Variants in CDH13 observed in about 807,000 individuals in gnomAD.
CDH13 encodes cadherin 13, also known as cadherin-13.
In CDH13, 24 loss-of-function variants were observed where a neutral mutation model predicts 63.8. The ratio of observed to expected loss-of-function variants is 0.38; its 90% CI spans 0.27 to 0.53. CDH13 has a LOEUF of 0.53. Among genes scored for constraint, CDH13 ranks in the 20% least tolerant of loss-of-function variants. The pLI is 0.85. For missense variants in CDH13, 1,049 were observed against 903.1 expected (o/e 1.16, Z -2.07); for synonymous variants, 503 against 355.3 (o/e 1.42, Z -4.67).
chr16:83,500,762 T>G lies in CDH13; in HGVS notation c.960+14107T>G, dbSNP rs569497415. 4.5e-3 allele frequency among the ~76,000 whole-genome samples: 681 copies of G among 150,784 alleles called. 6 individuals carry two copies. The highest frequency in any genetic ancestry group is 0.016 in the African/African-American group (668 of 40,946). On this transcript the variant is annotated intron_variant, in intron 7 of 13. Coordinates refer to ENST00000567109, the MANE Select transcript of CDH13 (RefSeq NM_001257.5). ...CCGGCTAATTTTTGTTTTATTTTTGTGGAGACGGGGTTTCACCATGTTGGC... is the reference window on the plus strand; with the variant it reads ...CCGGCTAATTTTTGTTTTATTTTTGGGGAGACGGGGTTTCACCATGTTGGC...
chr16:83,389,748 G>C (rs2091748387), intron 6 of CDH13, among the ~76,000 whole-genome samples: 1 of 152,182 alleles, frequency 6.6e-6, no homozygotes, highest in Non-Finnish European at 1.5e-5. Flanking sequence ...AGTTTTCAGA[G>C]TTTGGGGCCT....
At chr16:83,098,499 G>A (rs78297062) in intron 3 of CDH13, among the ~76,000 whole-genome samples, 20,809 of 152,042 alleles carry the variant, frequency 0.14, 1,798 homozygotes, top group Non-Finnish European at 0.19. Context: ...TTTTGGTTTG[G>A]ATGAAGGACT....
intron 4 of CDH13, among the ~76,000 whole-genome samples, chr16:83,176,675 T>C (rs2038137540): frequency 6.6e-6 from 1 of 152,064 alleles, no homozygotes; most frequent in Non-Finnish European, 1.5e-5. Flanking sequence ...GGAATACATT[T>C]ATGGAAGGAG....
intron 1 of CDH13, 69 bp from the exon 2 acceptor site, chr16:82,858,293 A>G: frequency 9.8e-7 from 1 of 1,022,056 alleles, no homozygotes; most frequent in Non-Finnish European, 1.5e-6. Context: ...AAAGTTGCGG[A>G]TTTGGCGAAA....
chr16:82,837,066 C>G (rs756865768), intron 1 of CDH13, among the ~76,000 whole-genome samples: 4 of 152,092 alleles, frequency 2.6e-5, no homozygotes, highest in Non-Finnish European at 4.4e-5. Context: ...AATGGGCAAC[C>G]CATCGAGGTG....
chr16:83,157,203 A>G (rs2037243257), intron 4 of CDH13, among the ~76,000 whole-genome samples: 1 of 152,172 alleles, frequency 6.6e-6, no homozygotes, highest in Non-Finnish European at 1.5e-5. Flanking sequence ...TAATTACCAC[A>G]CAGTCTATCT....
At chr16:83,320,877 A>G (rs1331017653) in intron 5 of CDH13, among the ~76,000 whole-genome samples, 1 of 152,234 alleles carries the variant, frequency 6.6e-6, no homozygotes, top group Non-Finnish European at 1.5e-5. Flanking sequence ...TAGGGATGGA[A>G]GAATTTAGGA....
Position 83,212,188 on chromosome 16 carries a change from A to G in CDH13, c.484-5157A>G, listed in dbSNP as rs535544690. Among the ~76,000 whole-genome samples the G allele has an allele frequency of 2.6e-5, 4 of 152,168 alleles. No individual in the cohort carries two copies. In the South Asian group the frequency reaches 8.3e-4, roughly 32 times the overall value. On this transcript the variant is annotated intron_variant, in intron 4 of 13. Transcript: ENST00000567109. The stretch of plus-strand genomic sequence containing the variant: ...CATAATCAAGGTGGTCTGGAAACAC[A>G]CTTGATTTGCATGGAGTGGTTTTGA...
intron 5 of CDH13, among the ~76,000 whole-genome samples, chr16:83,259,126 T>A (rs1324118004): frequency 6.6e-6 from 1 of 152,084 alleles, no homozygotes; most frequent in Non-Finnish European, 1.5e-5. Context: ...CTGCTGCTCA[T>A]GGTGGATGGG....
At chr16:83,160,090 A>G (rs535948151) in intron 4 of CDH13, among the ~76,000 whole-genome samples, 2 of 151,638 alleles carry the variant, frequency 1.3e-5, no homozygotes, top group East Asian at 1.9e-4. Flanking sequence ...AATAAAGAGA[A>G]AAAAAAAATT....
chr16:83,394,254 A>C (rs1477739113), intron 6 of CDH13, among the ~76,000 whole-genome samples: 1 of 152,170 alleles, frequency 6.6e-6, no homozygotes, highest in Non-Finnish European at 1.5e-5. Context: ...GTTTTAAAAA[A>C]AAAAAACAAA....
chr16:82,767,407 T>G (rs1435305722), intron 1 of CDH13, among the ~76,000 whole-genome samples: 1 of 152,254 alleles, frequency 6.6e-6, no homozygotes, highest in Non-Finnish European at 1.5e-5. Flanking sequence ...CACATACTCT[T>G]TTATGTAAGG....
intron 7 of CDH13, among the ~76,000 whole-genome samples, chr16:83,563,582 T>G (rs1438303750): frequency 1.3e-5 from 2 of 152,184 alleles, no homozygotes; most frequent in Non-Finnish European, 2.9e-5. Context: ...GTGCTTGATT[T>G]GGTGGAAATT....
At chr16:83,457,036 A>G (rs2151518399) in intron 6 of CDH13, among the ~76,000 whole-genome samples, 1 of 152,298 alleles carries the variant, frequency 6.6e-6, no homozygotes, top group Non-Finnish European at 1.5e-5. Context: ...GAGGCAGGTT[A>G]CTAGGGGTCT....
intron 3 of CDH13, among the ~76,000 whole-genome samples, chr16:83,045,755 G>A (rs1917724374): frequency 6.6e-6 from 1 of 151,198 alleles, no homozygotes; most frequent in African/African-American, 2.4e-5. Flanking sequence ...TTGATTCTCT[G>A]TTCTCAACAC....
intron 1 of CDH13, among the ~76,000 whole-genome samples, chr16:82,811,108 T>C (rs1472745718): frequency 2.0e-5 from 3 of 152,132 alleles, no homozygotes; most frequent in African/African-American, 7.2e-5. Context: ...AATAAAGAAT[T>C]TGTCATAGAT....
At chr16:82,805,864 A>G (rs1010280067) in intron 1 of CDH13, among the ~76,000 whole-genome samples, 13 of 152,212 alleles carry the variant, frequency 8.5e-5, no homozygotes, top group African/African-American at 3.1e-4. Context: ...GACGAACTCT[A>G]GTGTGCAAAT....
intron 6 of CDH13, among the ~76,000 whole-genome samples, chr16:83,367,693 T>C (rs1200858667): frequency 6.6e-6 from 1 of 152,256 alleles, no homozygotes; most frequent in Non-Finnish European, 1.5e-5. Flanking sequence ...TTGCTAGGTG[T>C]AAAGGAGTAT....
chr16:82,954,544 C>T (rs1363225073), intron 2 of CDH13: 1 of 151,946 alleles, frequency 6.6e-6, no homozygotes, highest in Non-Finnish European at 1.5e-5. Flanking sequence ...TTTTTTGCTC[C>T]CTGTGTCTGA....
Sources: gnomAD v4.1 joint callset for allele counts (sites outside exome capture counted in the v4.1 genomes callset) on GRCh38, gnomAD v4.1.1 for gene constraint, MANE v1.5 for transcripts, NCBI Gene and HGNC (gene_info 2026-07-23, HGNC 2026-07-21) for gene names.